Variants in NALCN observed in about 807,000 individuals in gnomAD.
NALCN encodes the protein sodium leak channel NALCN.
In NALCN, 111 loss-of-function variants were observed where a neutral mutation model predicts 225.3. That is an observed-to-expected ratio of 0.49 (90% CI 0.42 to 0.58). NALCN has a LOEUF of 0.58. Ranked by LOEUF, NALCN falls within the 20% of genes least tolerant of loss-of-function variation. The pLI, the probability that NALCN is intolerant of heterozygous loss-of-function variation, is 0.00. For missense variants in NALCN, 1,378 were observed against 2,202.4 expected (o/e 0.63, Z 7.49); for synonymous variants, 764 against 769.0 (o/e 0.99, Z 0.11).
At chr13:101,060,074 G>C (rs2274085) in intron 41 of NALCN, 107 bp from the exon 42 acceptor site, 1 of 1,255,384 alleles carries the variant, frequency 8.0e-7, no homozygotes, top group Non-Finnish European at 1.1e-6. Flanking sequence ...CCTGCATGAC[G>C]GGTGACCTCT....
At chr13:101,293,409 C>T (rs1476430061) in intron 7 of NALCN, among the ~76,000 whole-genome samples, 1 of 152,100 alleles carries the variant, frequency 6.6e-6, no homozygotes, top group Non-Finnish European at 1.5e-5. Context: ...TGTGAGAAAA[C>T]ACACACACAT....
intron 13 of NALCN, among the ~76,000 whole-genome samples, chr13:101,202,883 T>G (rs1213560795): frequency 2.6e-5 from 4 of 152,140 alleles, no homozygotes; most frequent in African/African-American, 9.7e-5. Flanking sequence ...TCGCTGAGTA[T>G]GCAGACCAGG....
chr13:101,126,817 A>G (rs2036257321), intron 17 of NALCN, among the ~76,000 whole-genome samples: 1 of 151,916 alleles, frequency 6.6e-6, no homozygotes, highest in South Asian at 2.1e-4. Flanking sequence ...CATGGATTTA[A>G]CCTCTCTTGA....
At chr13:101,258,712 G>A (rs931569343) in intron 10 of NALCN, 138 bp from the exon 11 acceptor site, 4 of 1,173,784 alleles carry the variant, frequency 3.4e-6, no homozygotes, top group Non-Finnish European at 4.8e-6. Context: ...AGCCATCCAT[G>A]TCCCACACTG....
At chr13:101,415,207 A>ATG (rs2047902670) in intron 1 of NALCN, among the ~76,000 whole-genome samples, 1 of 71,900 alleles carries the variant, frequency 1.4e-5, no homozygotes, top group South Asian at 3.3e-4. Flanking sequence ...CAAATCACAC[A>ATG]CATATATATA....
intron 7 of NALCN, among the ~76,000 whole-genome samples, chr13:101,315,124 G>A (rs916330813): frequency 2.0e-5 from 3 of 152,046 alleles, no homozygotes; most frequent in African/African-American, 7.2e-5. Context: ...GTAAATTAAC[G>A]AACTGTAATG....
At chr13:101,350,251 A>G (rs1243081727) in intron 6 of NALCN, among the ~76,000 whole-genome samples, 3 of 151,388 alleles carry the variant, frequency 2.0e-5, no homozygotes, top group Non-Finnish European at 2.9e-5. Context: ...CACTTCAAAC[A>G]CCCCTTTGTA....
chr13:101,080,746 CAT>C (rs2033593581), intron 34 of NALCN, among the ~76,000 whole-genome samples: 2 of 131,672 alleles, frequency 1.5e-5, no homozygotes, highest in Non-Finnish European at 3.2e-5. Context: ...AAATATATTA[CAT>C]AATTAAATAA....
chr13:101,125,994 T>A (rs2036209575), intron 17 of NALCN, among the ~76,000 whole-genome samples: 2 of 152,128 alleles, frequency 1.3e-5, no homozygotes, highest in Admixed American at 1.3e-4. Flanking sequence ...TAAAAATAGA[T>A]CACCTAGTTA....
intron 7 of NALCN, among the ~76,000 whole-genome samples, chr13:101,309,637 T>C (rs550697445): frequency 6.6e-5 from 10 of 152,222 alleles, no homozygotes; most frequent in South Asian, 2.1e-4. Context: ...ATTCACATCA[T>C]GTAACCAAGC....
At chr13:101,159,433 C>A (rs2038057353) in intron 15 of NALCN, among the ~76,000 whole-genome samples, 1 of 152,182 alleles carries the variant, frequency 6.6e-6, no homozygotes, top group African/African-American at 2.4e-5. Context: ...TGGTTACTAA[C>A]ATGTTGCCTA....
rs2033666038 is a variant in NALCN, at chr13:101,081,778, C to T, written c.3766-132G>A. Reference sequence around the variant, plus strand: ...AATTTTAAATTATTTGATGTGGACACAGTATCTTTTCCATTGAAAATGAGA... The same window carrying T: ...AATTTTAAATTATTTGATGTGGACATAGTATCTTTTCCATTGAAAATGAGA... On this transcript the variant is annotated intron_variant, in intron 33 of 43. Coordinates refer to ENST00000251127, the MANE Select transcript of NALCN (RefSeq NM_052867.4). 11 of 1,171,672 alleles carry T rather than the reference C, an allele frequency of 9.4e-6. 1 individual carries two copies. The South Asian group carries it at 1.6e-4, about 17-fold the overall frequency. The allele number at this position is 1,171,672 out of a possible 1,614,324, so 72.6% of individuals were successfully genotyped here.
intron 10 of NALCN, among the ~76,000 whole-genome samples, chr13:101,279,396 T>C (rs923913324): frequency 6.6e-6 from 1 of 152,186 alleles, no homozygotes; most frequent in Non-Finnish European, 1.5e-5. Context: ...AACATTAACC[T>C]CCAAGTTACT....
rs2032629087 is a variant in NALCN, at chr13:101,068,838, T to C, written c.4198-11A>G. 4.4e-6 allele frequency: 7 copies of C among 1,598,962 alleles called. No homozygotes were observed. The highest frequency in any genetic ancestry group is 1.3e-5 in the African/African-American group (1 of 74,462). On this transcript the variant is annotated splice_polypyrimidine_tract_variant and intron_variant, in intron 37 of 43. Transcript: ENST00000251127. ...AAACGGAGGCTGAACCTTTGGGGCA[T>C]TGGGGTGGAAGAAGGAGAGGATAAG...
chr13:101,131,784 T>G (rs1225924358), intron 17 of NALCN, among the ~76,000 whole-genome samples: 3 of 152,154 alleles, frequency 2.0e-5, no homozygotes, highest in African/African-American at 7.2e-5. Context: ...ATATTAACTA[T>G]GGATTTGGGG....
At chr13:101,178,434 C>A (rs536355800) in intron 14 of NALCN, among the ~76,000 whole-genome samples, 3 of 152,278 alleles carry the variant, frequency 2.0e-5, no homozygotes, top group South Asian at 4.1e-4. Flanking sequence ...ATTGTAAATT[C>A]TTTCCCTTTC....
At chr13:101,208,192 C>T (rs2040392809) in intron 13 of NALCN, among the ~76,000 whole-genome samples, 1 of 152,194 alleles carries the variant, frequency 6.6e-6, no homozygotes, top group South Asian at 2.1e-4. Flanking sequence ...ACGAACCCAC[C>T]AGGAGGGACA....
At chr13:101,063,240 A>T (rs1324440236) in intron 40 of NALCN, among the ~76,000 whole-genome samples, 1 of 152,232 alleles carries the variant, frequency 6.6e-6, no homozygotes, top group African/African-American at 2.4e-5. Context: ...TCTTGAGAGC[A>T]CTGGTACATT....
At chr13:101,407,784 A>G (rs562739804) in intron 1 of NALCN, among the ~76,000 whole-genome samples, 2 of 152,276 alleles carry the variant, frequency 1.3e-5, no homozygotes, top group African/African-American at 2.4e-5. Flanking sequence ...TTTTAACCTT[A>G]AGAACTTTTG....
Sources: allele counts gnomAD v4.1 joint callset (sites outside exome capture counted in the v4.1 genomes callset), GRCh38; gene constraint gnomAD v4.1.1; transcripts MANE v1.5; gene names NCBI Gene and HGNC (gene_info 2026-07-23, HGNC 2026-07-21).